The following EXOC2 variants were observed in gnomAD, a reference collection of about 807,000 sequenced individuals.
EXOC2 encodes the protein SEC5-like 1.
Under a neutral mutation model 131.8 loss-of-function variants are expected in EXOC2, and 70 were observed. The observed-to-expected ratio is 0.53, with a 90% CI of 0.44 to 0.65. The LOEUF is 0.65. EXOC2 is among the 30% of genes least tolerant of loss of function. The pLI is 0.00. For missense variants in EXOC2, 923 were observed against 1,108.6 expected, an observed-to-expected ratio of 0.83 and a Z score of 2.38; for synonymous variants, 411 against 398.4, an observed-to-expected ratio of 1.03 and a Z score of -0.38.
intron 23 of EXOC2, among the ~76,000 whole-genome samples, chr6:511,170 C>T (rs560766606): frequency 9.2e-5 from 14 of 152,332 alleles, no homozygotes; most frequent in South Asian, 4.1e-4. Flanking sequence ...TGGCCTGGCA[C>T]GCAAGATGGT....
chr6:549,147 C>T (rs751634611), intron 22 of EXOC2, 28 bp downstream of exon 22: 2 of 1,575,394 alleles, frequency 1.3e-6, no homozygotes, highest in African/African-American at 2.7e-5. Context: ...AAACCACCGA[C>T]TTGTGCGTTT....
chr6:508,189 A>T (rs1394887027), intron 23 of EXOC2, among the ~76,000 whole-genome samples: 1 of 152,210 alleles, frequency 6.6e-6, no homozygotes, highest in Non-Finnish European at 1.5e-5. Context: ...GAAGGTGCAG[A>T]GATTTCACAT....
At chr6:543,688 G>T (rs962576305) in intron 22 of EXOC2, among the ~76,000 whole-genome samples, 1 of 152,130 alleles carries the variant, frequency 6.6e-6, no homozygotes, top group African/African-American at 2.4e-5. Flanking sequence ...ATTATTATTT[G>T]TCAATTAAAA....
intron 11 of EXOC2, among the ~76,000 whole-genome samples, chr6:585,099 A>G (rs1759130984): frequency 6.6e-6 from 1 of 152,252 alleles, no homozygotes; most frequent in Non-Finnish European, 1.5e-5. Flanking sequence ...ATGTATAACA[A>G]TTCAGAACAC....
intron 1 of EXOC2, among the ~76,000 whole-genome samples, chr6:661,549 T>C (rs1280595304): frequency 6.6e-6 from 1 of 152,160 alleles, no homozygotes; most frequent in Non-Finnish European, 1.5e-5. Flanking sequence ...CTATGCATCA[T>C]ATATGAAGGA....
At chr6:487,579 G>T (rs920518632) in intron 27 of EXOC2, among the ~76,000 whole-genome samples, 3 of 151,998 alleles carry the variant, frequency 2.0e-5, no homozygotes, top group Admixed American at 6.5e-5. Context: ...GCTAATTTTT[G>T]TATTTTTAGT....
At chr6:665,506 C>T (rs1387370498) in intron 1 of EXOC2, among the ~76,000 whole-genome samples, 1 of 152,166 alleles carries the variant, frequency 6.6e-6, no homozygotes, top group Non-Finnish European at 1.5e-5. Flanking sequence ...GCACAATTCA[C>T]AATTGCAAAA....
chr6:647,040 A>G (rs184595971), intron 1 of EXOC2, among the ~76,000 whole-genome samples: 14 of 152,376 alleles, frequency 9.2e-5, no homozygotes, highest in Admixed American at 9.1e-4. Context: ...ATTAATGCTT[A>G]CAAACCAATT....
intron 1 of EXOC2, among the ~76,000 whole-genome samples, chr6:658,666 T>TATATATATATATATATATATATATA (rs1554146211): frequency 1.5e-5 from 1 of 65,928 alleles, no homozygotes; most frequent in African/African-American, 4.6e-5. Flanking sequence ...TATATATATA[T>TATATATATATATATATATATATATA]TTTTTTTTTT....
At chr6:669,010 A>C (rs970301640) in intron 1 of EXOC2, 10 of 152,192 alleles carry the variant, frequency 6.6e-5, no homozygotes, top group African/African-American at 2.4e-4. Context: ...AGGCACATGA[A>C]GGTGCGGAAT....
chr6:642,735 G>A (rs1231974523), intron 1 of EXOC2, among the ~76,000 whole-genome samples: 1 of 151,994 alleles, frequency 6.6e-6, no homozygotes. Flanking sequence ...GAACTGAAAG[G>A]TATACTGTCT....
At chr6:662,396 T>C (rs1351056523) in intron 1 of EXOC2, among the ~76,000 whole-genome samples, 2 of 152,204 alleles carry the variant, frequency 1.3e-5, no homozygotes, top group African/African-American at 4.8e-5. Flanking sequence ...ATAGACTATA[T>C]GACAGGCCAT....
intron 3 of EXOC2, among the ~76,000 whole-genome samples, chr6:631,182 G>A (rs944828545): frequency 5.9e-5 from 9 of 152,186 alleles, no homozygotes; most frequent in African/African-American, 1.4e-4. Context: ...CTCAGCACTC[G>A]TGGTTCTGCC....
chr6:604,416 A>T (rs1397715700), intron 7 of EXOC2, among the ~76,000 whole-genome samples: 1 of 152,134 alleles, frequency 6.6e-6, no homozygotes, highest in African/African-American at 2.4e-5. Context: ...GACCTGGCTT[A>T]ACATGCCTAC....
intron 7 of EXOC2, among the ~76,000 whole-genome samples, chr6:608,723 G>A (rs954213413): frequency 6.6e-6 from 1 of 152,116 alleles, no homozygotes; most frequent in Non-Finnish European, 1.5e-5. Flanking sequence ...TTCCCAAACC[G>A]GAACAAGGAT....
At chr6:580,382 T>C (rs1253742542) in intron 11 of EXOC2, among the ~76,000 whole-genome samples, 3 of 152,154 alleles carry the variant, frequency 2.0e-5, no homozygotes, top group African/African-American at 7.2e-5. Flanking sequence ...TAAAATTGTG[T>C]TTGACTCTGC....
At chr6:507,620 G>A (rs181415069) in intron 23 of EXOC2, among the ~76,000 whole-genome samples, 6 of 152,236 alleles carry the variant, frequency 3.9e-5, no homozygotes, top group East Asian at 1.9e-4. Context: ...GTGGGTGCTC[G>A]TGTTCCTTTA....
At chr6:567,736 T>C (rs900765090) in intron 13 of EXOC2, among the ~76,000 whole-genome samples, 2 of 152,196 alleles carry the variant, frequency 1.3e-5, no homozygotes, top group African/African-American at 4.8e-5. Context: ...TGCATGCATG[T>C]GTGTCTCAGT....
chr6:602,877 A>G lies in EXOC2; in HGVS notation c.743-3652T>C, dbSNP rs115327346. Among the ~76,000 whole-genome samples the G allele has an allele frequency of 7.6e-3, 1,157 of 152,298 alleles. 19 individuals are homozygous for G. The highest frequency in any genetic ancestry group is 0.027 in the African/African-American group (1,109 of 41,562). On this transcript the variant is annotated intron_variant, in intron 7 of 27. Coordinates refer to ENST00000230449, the MANE Select transcript of EXOC2 (RefSeq NM_018303.6). ...GAAAGTCCAGGTAGCATTACACACC[A>G]GTCGGTGGAACTCATACCTGCCCAG...
Sources: allele counts gnomAD v4.1 joint callset (sites outside exome capture counted in the v4.1 genomes callset), GRCh38; gene constraint gnomAD v4.1.1; transcripts MANE v1.5; gene names NCBI Gene and HGNC (gene_info 2026-07-23, HGNC 2026-07-21).